DIO2: variants seen among roughly 807,000 people sequenced by gnomAD.
DIO2 encodes the protein iodothyronine deiodinase 2.
Under a neutral mutation model 21.4 loss-of-function variants are expected in DIO2, and 19 were observed. The ratio of observed to expected loss-of-function variants is 0.89; its 90% confidence interval spans 0.62 to 1.30. DIO2 has a LOEUF of 1.30. DIO2 is among the 50% of genes most tolerant of loss of function. The pLI is 0.00. For synonymous variants in DIO2, 122 were observed against 132.9 expected (o/e 0.92, Z 0.57); for missense variants, 302 against 338.1 (o/e 0.89, Z 0.84).
Position 80,202,920 on chromosome 14 carries a change from C to T in DIO2, c.591G>A (p.Gln197=), listed in dbSNP as rs1414931512. The stretch of plus-strand genomic sequence containing the variant: ...GCGGCAAGGAGAAACGCTCCAGAAG[C>T]TGCTGGGCTGCTGCACATCGATCTT... ...NQEDRCAAAQ[Q]LLERFSLPPQ... is the part of the protein sequence containing the mutation. The change falls in exon 2 of 2, where the codon CAG becomes CAA. Residue 197 remains glutamine, a synonymous_variant. Coordinates refer to ENST00000438257, the MANE Select transcript of DIO2 (RefSeq NM_013989.5). 6.2e-7 allele frequency: 1 copy of T among 1,613,984 alleles called. No homozygotes were observed. The highest frequency in any genetic ancestry group is 8.5e-7 in the Non-Finnish European group (1 of 1,179,886).
At chr14:80,205,631 C>T in intron 1 of DIO2, 1 of 1,332,110 alleles carries the variant, frequency 7.5e-7, no homozygotes, top group Non-Finnish European at 9.8e-7. Flanking sequence ...AAAGTTAAGG[C>T]ACCTTCTCCT....
At chr14:80,211,176 A>G in intron 1 of DIO2, 75 bp downstream of exon 1, 1 of 1,422,530 alleles carries the variant, frequency 7.0e-7, no homozygotes, top group East Asian at 2.3e-5. Flanking sequence ...CAATGCTCCC[A>G]ATGGCCTCTG....
rs1887667802 is a variant in DIO2, at chr14:80,200,399, C to T, written c.*2290G>A. ...TTCCATCATCCTTTTCCCCAGTTGACTAGCACTGCCTCAGCCTAATCTCAT... is the reference window on the plus strand; with the variant it reads ...TTCCATCATCCTTTTCCCCAGTTGATTAGCACTGCCTCAGCCTAATCTCAT... On this transcript the variant is annotated 3_prime_UTR_variant, in exon 2 of 2. Transcript: ENST00000438257. The T allele has an allele frequency of 6.6e-6, 1 of 152,596 alleles. No individual in the cohort carries two copies. Among genetic ancestry groups the T allele is most frequent in the African/African-American group, 2.4e-5 (1 of 41,442 alleles). The allele number at this position is 152,596 out of a possible 1,614,324, so 9.5% of individuals were successfully genotyped here.
chr14:80,211,594 G>A (rs1888203991), upstream of DIO2: 8 of 443,646 alleles, frequency 1.8e-5, no homozygotes, highest in East Asian at 4.6e-5. Flanking sequence ...GGTTGGGGGA[G>A]AAGGGGAAAA....
At chr14:80,219,921 G>A (rs562090693) in intron 2 of DIO2, among the ~76,000 whole-genome samples, 41 of 152,276 alleles carry the variant, frequency 2.7e-4, no homozygotes, top group African/African-American at 9.6e-4. Flanking sequence ...ATCACTATGA[G>A]AGGAACTTAC....
At position 80,221,521 on chromosome 14, in the gene DIO2, C is replaced by T. The variant is rs368727480; in HGVS notation, c.-277-4784G>A. 9.7e-4 allele frequency among the ~76,000 whole-genome samples: 148 copies of T among 152,194 alleles called. 1 individual carries two copies. The highest frequency in any genetic ancestry group is 3.5e-3 in the African/African-American group (145 of 41,524). ...TAATGGTATGCAGTACACATGCTGA[C>T]TCAGAGTAAGATTGCTTTCTAAATT... On this transcript the variant is annotated intron_variant, in intron 2 of 4. Coordinates refer to the DIO2 transcript ENST00000553594.
At chr14:80,223,085 A>G (rs1243207715) in intron 2 of DIO2, among the ~76,000 whole-genome samples, 1 of 152,034 alleles carries the variant, frequency 6.6e-6, no homozygotes, top group Non-Finnish European at 1.5e-5. Flanking sequence ...TGGGCTCAAG[A>G]GATCTTCCCA....
chr14:80,202,626 G>C lies in DIO2; in HGVS notation c.*63C>G. On this transcript the variant is annotated 3_prime_UTR_variant, in exon 2 of 2. Transcript: ENST00000438257. The stretch of plus-strand genomic sequence containing the variant: ...AGGGCTCTGTTGAAATATGGATTCA[G>C]TTCTTAATTTCCTTGCCTTTATATA... The C allele has an allele frequency of 6.8e-7, 1 of 1,475,412 alleles. No individual in the cohort carries two copies. Among genetic ancestry groups the C allele is most frequent in the East Asian group, 2.4e-5 (1 of 40,818 alleles). 91.4% of individuals were successfully genotyped at this position (1,475,412 alleles called of 1,614,324 possible).
intron 2 of DIO2, among the ~76,000 whole-genome samples, chr14:80,221,128 C>T (rs1445935777): frequency 6.6e-6 from 1 of 152,156 alleles, no homozygotes; most frequent in South Asian, 2.1e-4. Flanking sequence ...ATCTTTATAA[C>T]CCCTACTCAC....
Position 80,198,958 on chromosome 14 carries a change from T to C in DIO2, c.*3731A>G, listed in dbSNP as rs965007920. On this transcript the variant is annotated 3_prime_UTR_variant, in exon 2 of 2. Transcript: ENST00000438257. ...TTTTCAATGGTCATATGATCCTAAT[T>C]AAAGTTATTTTCCAAACCATCAGTC... is the stretch of plus-strand genomic sequence containing the variant. The C allele has an allele frequency of 5.9e-5, 9 of 152,180 alleles. No individual in the cohort carries two copies. Among genetic ancestry groups the C allele is most frequent in the Admixed American group, 3.3e-4 (5 of 15,276 alleles). 9.4% of individuals were successfully genotyped at this position (152,180 alleles called of 1,614,324 possible).
At chr14:80,224,022 A>T (rs1437042081) in intron 2 of DIO2, among the ~76,000 whole-genome samples, 1 of 152,238 alleles carries the variant, frequency 6.6e-6, no homozygotes, top group Non-Finnish European at 1.5e-5. Context: ...ATATCAACAC[A>T]AACTGCACCA....
intron 2 of DIO2, among the ~76,000 whole-genome samples, chr14:80,226,748 C>G (rs1888583982): frequency 6.6e-6 from 1 of 152,204 alleles, no homozygotes; most frequent in South Asian, 2.1e-4. Context: ...TGGGCAATGA[C>G]AGGGGTGGCC....
intron 1 of DIO2, among the ~76,000 whole-genome samples, chr14:80,205,100 G>A (rs916154909): frequency 2.0e-5 from 3 of 152,024 alleles, no homozygotes; most frequent in Admixed American, 1.3e-4. Flanking sequence ...TCTTTCATAT[G>A]AACTACCCTA....
At chr14:80,220,041 TG>T (rs1428995948) in intron 2 of DIO2, among the ~76,000 whole-genome samples, 6 of 21,966 alleles carry the variant, frequency 2.7e-4, no homozygotes, top group Admixed American at 5.7e-4. Flanking sequence ...AATCTTGTTT[TG>T]TGTGTGTGTG....
chr14:80,197,904 C>A lies in DIO2; in HGVS notation c.*4785G>T, dbSNP rs1887545328. ...CGCCCGATTACTTGGGCTAGTGAGT[C>A]TGGTGACAATGTGATGCAAAACTAA... On this transcript the variant is annotated 3_prime_UTR_variant, in exon 2 of 2. Transcript: ENST00000438257. 1 of 152,708 alleles carries A rather than the reference C, an allele frequency of 6.5e-6. No homozygotes were observed. The highest frequency in any genetic ancestry group is 1.5e-5 in the Non-Finnish European group (1 of 68,090). The allele number at this position is 152,708 out of a possible 1,614,324, so 9.5% of individuals were successfully genotyped here.
In DIO2 at chr14:80,202,109, C is replaced by A; in HGVS notation, c.*580G>T. The A allele has an allele frequency of 3.3e-6, 1 of 302,182 alleles. No homozygotes were observed. Among genetic ancestry groups the A allele is most frequent in the South Asian group, 2.8e-5 (1 of 35,402 alleles). 18.7% of individuals were successfully genotyped at this position (302,182 alleles called of 1,614,324 possible). A position where few individuals can be genotyped will look rare whatever the true frequency, so the allele number is the denominator to read the frequency against. On this transcript the variant is annotated 3_prime_UTR_variant, in exon 2 of 2. Coordinates refer to ENST00000438257, the MANE Select transcript of DIO2 (RefSeq NM_013989.5). ...ATCATTCTCGGTATCTACAAATATACCAATAATTTCTGGGGTATGAAGACT... is the reference window on the plus strand; with the variant it reads ...ATCATTCTCGGTATCTACAAATATAACAATAATTTCTGGGGTATGAAGACT...
At position 80,202,468 on chromosome 14, in the gene DIO2, G is replaced by A; in HGVS notation, c.*221C>T. On this transcript the variant is annotated 3_prime_UTR_variant, in exon 2 of 2. Transcript: ENST00000438257. ...TCCATCTTGGGATCTTTTCACATAG[G>A]GCTTTTTACTAAGAAGAGAGGTGAT... 1 of 742,626 alleles carries A rather than the reference G, an allele frequency of 1.3e-6. No individual in the cohort carries two copies. The highest frequency in any genetic ancestry group is 2.4e-6 in the Non-Finnish European group (1 of 408,908). The allele number at this position is 742,626 out of a possible 1,614,324, so 46.0% of individuals were successfully genotyped here.
chr14:80,225,010 G>A (rs754963334), intron 2 of DIO2, among the ~76,000 whole-genome samples: 4 of 152,162 alleles, frequency 2.6e-5, no homozygotes, highest in Non-Finnish European at 5.9e-5. Flanking sequence ...ATGCAGCACA[G>A]GAGAAAGATG....
At position 80,199,505 on chromosome 14, in the gene DIO2, G is replaced by A. The variant is rs1887629827; in HGVS notation, c.*3184C>T. On this transcript the variant is annotated 3_prime_UTR_variant, in exon 2 of 2. Coordinates refer to ENST00000438257, the MANE Select transcript of DIO2 (RefSeq NM_013989.5). ...ACAGTTACTAATCTGCCTCTAAGGA[G>A]GTCAGTTACATTTTAATAGCTGTAT... is the stretch of plus-strand genomic sequence containing the variant. The A allele has an allele frequency of 6.6e-6, 1 of 152,166 alleles. No homozygotes were observed. The highest frequency in any genetic ancestry group is 2.1e-4 in the South Asian group (1 of 4,834). The allele number at this position is 152,166 out of a possible 1,614,324, so 9.4% of individuals were successfully genotyped here.
Sources: allele counts gnomAD v4.1 joint callset (sites outside exome capture counted in the v4.1 genomes callset), GRCh38; gene constraint gnomAD v4.1.1; transcripts MANE v1.5; gene names NCBI Gene and HGNC (gene_info 2026-07-23, HGNC 2026-07-21).